ETV7: variants seen among roughly 807,000 people sequenced by gnomAD.
The protein encoded by ETV7 is ETS variant transcription factor 7.
A neutral mutation model predicts 39.1 loss-of-function variants in ETV7; 43 were observed. The observed-to-expected ratio is 1.10, with a 90% CI of 0.86 to 1.42. The LOEUF (loss-of-function observed/expected upper bound fraction) is 1.42, where lower values mean the gene tolerates loss of function less well. Ranked by LOEUF, ETV7 falls within the 40% of genes most tolerant of loss-of-function variation. The pLI, the probability that ETV7 is intolerant of heterozygous loss-of-function variation, is 0.00. For synonymous variants in ETV7, 196 were observed against 176.6 expected (o/e 1.11, Z -0.87); for missense variants, 432 against 442.3 (o/e 0.98, Z 0.21).
At chr6:36,355,564 A>T (rs1772316664) in intron 7 of ETV7, among the ~76,000 whole-genome samples, 1 of 152,166 alleles carries the variant, frequency 6.6e-6, no homozygotes, top group Non-Finnish European at 1.5e-5. Flanking sequence ...GGCATGCGCC[A>T]TTGCGCCTGG....
chr6:36,370,724 TG>T (rs1203928570), intron 5 of ETV7, among the ~76,000 whole-genome samples: 1 of 152,164 alleles, frequency 6.6e-6, no homozygotes, highest in East Asian at 1.9e-4. Context: ...GTCACTATTA[TG>T]ACTAGAAAAA....
chr6:36,366,754 T>C lies in ETV7; in HGVS notation c.917A>G (p.Lys306Arg). 2 of 1,614,032 alleles carry C rather than the reference T, an allele frequency of 1.2e-6. No homozygotes were observed. The highest frequency in any genetic ancestry group is 1.7e-6 in the Non-Finnish European group (2 of 1,180,000). The change falls in exon 8 of 8, where the codon AAG becomes AGG. Residue 306 changes from lysine (K) to arginine (R), a missense_variant. Physicochemically the swap from Lys to Arg is conservative, Grantham distance 26. Coordinates refer to ENST00000340181, the MANE Select transcript of ETV7 (RefSeq NM_016135.4). ...GTCCTGGACCATCTTTCCCGGAGTC[T>C]TTAGAAATCTAGAATTCAGGCCCCA... ...PGQKLLFRFLKTPGKMVQDKH... is the reference protein window; with the variant it reads ...PGQKLLFRFLRTPGKMVQDKH...
chr6:36,376,778 G>GAAA (rs60435053), intron 2 of ETV7, among the ~76,000 whole-genome samples: 1 of 91,962 alleles, frequency 1.1e-5, no homozygotes, highest in Non-Finnish European at 2.3e-5. Flanking sequence ...TCCCTCTAAA[G>GAAA]AAAAAAAAAA....
At chr6:36,371,920 T>C (rs923313724) in intron 4 of ETV7, among the ~76,000 whole-genome samples, 3 of 152,226 alleles carry the variant, frequency 2.0e-5, no homozygotes, top group African/African-American at 7.2e-5. Flanking sequence ...AACCAGGCAT[T>C]GTTCTAAGAA....
intron 7 of ETV7, among the ~76,000 whole-genome samples, chr6:36,359,158 G>A (rs1329921166): frequency 1.3e-5 from 2 of 152,172 alleles, no homozygotes; most frequent in Admixed American, 1.3e-4. Context: ...TAAACAGAAA[G>A]GGGATGGACA....
In ETV7 at chr6:36,366,770, T is replaced by C. The variant is rs747372550; in HGVS notation, c.909-8A>G. 4 of 1,613,978 alleles carry C rather than the reference T, an allele frequency of 2.5e-6. No individual in the cohort carries two copies. The East Asian group carries it at 6.7e-5, about 27-fold the overall frequency. On this transcript the variant is annotated splice_polypyrimidine_tract_variant and splice_region_variant and intron_variant, in intron 7 of 7. Transcript: ENST00000340181. The stretch of plus-strand genomic sequence containing the variant: ...CCCGGAGTCTTTAGAAATCTAGAAT[T>C]CAGGCCCCAACTGCAAATCAGCTCC...
chr6:36,379,017 C>T (rs1311416654), intron 2 of ETV7, among the ~76,000 whole-genome samples: 1 of 152,186 alleles, frequency 6.6e-6, no homozygotes, highest in Non-Finnish European at 1.5e-5. Flanking sequence ...GAATTTAGAG[C>T]CGCGATGGGA....
downstream of ETV7, among the ~76,000 whole-genome samples, chr6:36,365,222 A>G (rs913390897): frequency 6.6e-6 from 1 of 152,192 alleles, no homozygotes; most frequent in African/African-American, 2.4e-5. Flanking sequence ...ACGGCTTGCA[A>G]GGGCAGAGGC....
chr6:36,354,302 G>A (rs1225133670), exon 8 of ETV7: 1 of 162,032 alleles, frequency 6.2e-6, no homozygotes, highest in Non-Finnish European at 1.3e-5. Flanking sequence ...TTATTCTTTT[G>A]GTGTTATATT....
exon 8 of ETV7, chr6:36,354,526 C>T: frequency 1.6e-6 from 1 of 611,738 alleles, no homozygotes; most frequent in Non-Finnish European, 2.9e-6. Context: ...AATCTATATC[C>T]TTATGCCATT....
downstream of ETV7, among the ~76,000 whole-genome samples, chr6:36,363,378 C>G (rs565999749): frequency 6.6e-6 from 1 of 151,578 alleles, no homozygotes; most frequent in African/African-American, 2.4e-5. Context: ...GTTCGTTCCT[C>G]CCCGTGGGCT....
At chr6:36,381,756 G>A (rs933715747) in intron 2 of ETV7, among the ~76,000 whole-genome samples, 6 of 152,198 alleles carry the variant, frequency 3.9e-5, no homozygotes, top group East Asian at 1.9e-4. Context: ...TACAGTTCAC[G>A]TTGTGTACTG....
chr6:36,387,508 G>T (rs751799068), intron 1 of ETV7, 28 bp downstream of exon 1: 12 of 1,613,860 alleles, frequency 7.4e-6, no homozygotes, highest in Non-Finnish European at 1.0e-5. Flanking sequence ...CTGCGTGCGC[G>T]CTGCGTGTTC....
downstream of ETV7, among the ~76,000 whole-genome samples, chr6:36,363,351 G>A (rs113963188): frequency 3.8e-3 from 237 of 61,874 alleles, no homozygotes; most frequent in South Asian, 0.013. Flanking sequence ...AGCCCTTAAG[G>A]CACCGCGTCT....
intron 5 of ETV7, among the ~76,000 whole-genome samples, chr6:36,370,364 G>A (rs1186944773): frequency 6.6e-6 from 1 of 151,932 alleles, no homozygotes; most frequent in Non-Finnish European, 1.5e-5. Context: ...TGGTGAAACC[G>A]TCTCTACTAA....
chr6:36,374,597 C>T (rs1278386852), intron 3 of ETV7, among the ~76,000 whole-genome samples: 1 of 152,190 alleles, frequency 6.6e-6, no homozygotes, highest in Non-Finnish European at 1.5e-5. Flanking sequence ...CCCAAGCTCA[C>T]CTGCTTCCCC....
chr6:36,385,428 C>T lies in ETV7; in HGVS notation c.142+106G>A. On this transcript the variant is annotated intron_variant, in intron 2 of 7. Transcript: ENST00000340181. The stretch of plus-strand genomic sequence containing the variant: ...TTGAAGGTGCAGTGAGCTATGATTA[C>T]ACCACTGCACTCTAGCCTAAGTAAG... 2.2e-6 allele frequency: 3 copies of T among 1,382,538 alleles called. No homozygotes were observed. In the Admixed American group the frequency reaches 5.2e-5, roughly 24 times the overall value. The allele number at this position is 1,382,538 out of a possible 1,614,324, so 85.6% of individuals were successfully genotyped here. A position where few individuals can be genotyped will look rare whatever the true frequency, so the allele number is the denominator to read the frequency against.
Position 36,376,291 on chromosome 6 carries a change from C to T in ETV7, c.143-256G>A, listed in dbSNP as rs780301103. Reference sequence around the variant, plus strand: ...TTATTCACTTATTTATTGTTGGTACCTCCCCACCACCTGTTTTCCAATCAT... The same window carrying T: ...TTATTCACTTATTTATTGTTGGTACTTCCCCACCACCTGTTTTCCAATCAT... On this transcript the variant is annotated intron_variant, in intron 2 of 7. Coordinates refer to ENST00000340181, the MANE Select transcript of ETV7 (RefSeq NM_016135.4). Among the ~76,000 whole-genome samples the T allele has an allele frequency of 5.2e-4, 79 of 152,270 alleles. 2 individuals carry two copies. The highest frequency in any genetic ancestry group is 6.8e-3 in the Middle Eastern group (2 of 294).
chr6:36,376,118 T>C (rs1431075662), intron 2 of ETV7, 83 bp from the exon 3 acceptor site: 40 of 1,337,588 alleles, frequency 3.0e-5, no homozygotes, highest in Non-Finnish European at 4.0e-5. Flanking sequence ...TCTGAGCAGA[T>C]GCTCCCCTGT....
Sources: gnomAD v4.1 joint callset for allele counts (sites outside exome capture counted in the v4.1 genomes callset) on GRCh38, gnomAD v4.1.1 for gene constraint, MANE v1.5 for transcripts, NCBI Gene and HGNC (gene_info 2026-07-23, HGNC 2026-07-21) for gene names.